Variants in LTBP1 observed in about 807,000 individuals in gnomAD.
LTBP1 encodes the protein latent transforming growth factor beta binding protein 1.
LTBP1 carries 129 observed loss-of-function variants against 207.6 expected under a neutral mutation model. The observed-to-expected ratio is 0.62, with a 90% confidence interval of 0.54 to 0.72. LTBP1 has a LOEUF of 0.72. Ranked by LOEUF, LTBP1 falls within the 30% of genes least tolerant of loss-of-function variation. The pLI is 0.00. For missense variants in LTBP1, 2,281 were observed against 2,217.2 expected (o/e 1.03, Z -0.58); for synonymous variants, 963 against 833.7 (o/e 1.16, Z -2.67).
chr2:33,068,290 C>T (rs372773121), intron 3 of LTBP1, among the ~76,000 whole-genome samples: 3 of 150,914 alleles, frequency 2.0e-5, no homozygotes, highest in Non-Finnish European at 4.4e-5. Flanking sequence ...CATTATTTTT[C>T]GATAATTTTT....
intron 5 of LTBP1, among the ~76,000 whole-genome samples, chr2:33,164,759 A>G (rs2084778806): frequency 6.6e-6 from 1 of 152,186 alleles, no homozygotes; most frequent in Non-Finnish European, 1.5e-5. Context: ...GTTCATTCCA[A>G]CGATTGACAT....
intron 3 of LTBP1, among the ~76,000 whole-genome samples, chr2:33,100,960 G>T (rs895605771): frequency 1.3e-5 from 2 of 152,232 alleles, no homozygotes; most frequent in Non-Finnish European, 2.9e-5. Context: ...CATTTGGGTT[G>T]TAGGTTCTGC....
In LTBP1 at chr2:33,163,701, A is replaced by G. The variant is rs370241237; in HGVS notation, c.1202-23155A>G. ...TTTATGTGTATTCATACATTTGTAT[A>G]AATAAAAGAAGCAGCACCTGGATTT... On this transcript the variant is annotated intron_variant, in intron 5 of 33. Transcript: ENST00000404816. Among the ~76,000 whole-genome samples the G allele has an allele frequency of 3.3e-5, 5 of 152,212 alleles. No homozygotes were observed. In the East Asian group the frequency reaches 9.6e-4, roughly 29 times the overall value.
chr2:33,275,965 G>A (rs1444607005), intron 18 of LTBP1, 42 bp downstream of exon 18: 2 of 1,527,918 alleles, frequency 1.3e-6, no homozygotes, highest in East Asian at 2.3e-5. Flanking sequence ...ACGGTGATGT[G>A]CAGGGTTGGT....
chr2:33,211,532 T>C lies in LTBP1; in HGVS notation c.1702-6020T>C, dbSNP rs117303256. Among the ~76,000 whole-genome samples the C allele has an allele frequency of 1.8e-3, 270 of 152,314 alleles. 6 individuals are homozygous for C. In the East Asian group the frequency reaches 0.045, roughly 26 times the overall value. On this transcript the variant is annotated intron_variant, in intron 7 of 33. Coordinates refer to ENST00000404816, the MANE Select transcript of LTBP1 (RefSeq NM_206943.4). ...GAGGTTGGATGATTTGCTGAACTTC[T>C]CACTGCTAGTAAGAAGTTTCTGGGA...
At chr2:33,299,699 A>G (rs574429091) in intron 20 of LTBP1, among the ~76,000 whole-genome samples, 44 of 152,374 alleles carry the variant, frequency 2.9e-4, no homozygotes, top group African/African-American at 1.0e-3. Flanking sequence ...TGGCCAAACA[A>G]AAACATCTGG....
rs2092484630 is a variant in LTBP1, at chr2:33,245,636, C to G, written c.1999+1852C>G. On this transcript the variant is annotated intron_variant, in intron 10 of 33. Coordinates refer to ENST00000404816, the MANE Select transcript of LTBP1 (RefSeq NM_206943.4). ...ACACAAATTACCTTTGAAACTGATG[C>G]AAGGATTTGGAAATTTCAGGCCAAA... Among the ~76,000 whole-genome samples, 5 of 152,130 alleles carry G rather than the reference C, an allele frequency of 3.3e-5. No individual in the cohort carries two copies. The South Asian group carries it at 1.0e-3, about 32-fold the overall frequency.
chr2:33,397,293 C>A lies in LTBP1; in HGVS notation c.4984+11C>A. 1 of 1,613,700 alleles carries A rather than the reference C, an allele frequency of 6.2e-7. No individual in the cohort carries two copies. The highest frequency in any genetic ancestry group is 1.1e-5 in the South Asian group (1 of 91,064). On this transcript the variant is annotated intron_variant, in intron 33 of 33. Transcript: ENST00000404816. ...AGATGACCTGTGTCGGTAAGAATGA[C>A]GTGTGTTTTATGGGACATTAATTTT...
intron 19 of LTBP1, among the ~76,000 whole-genome samples, chr2:33,283,829 C>T (rs2093612222): frequency 6.6e-6 from 1 of 152,196 alleles, no homozygotes; most frequent in African/African-American, 2.4e-5. Context: ...ATGTCTATCT[C>T]ACAGGGCTGC....
intron 18 of LTBP1, among the ~76,000 whole-genome samples, chr2:33,276,474 GTATT>G (rs1480958214): frequency 3.3e-5 from 5 of 152,196 alleles, no homozygotes; most frequent in African/African-American, 1.2e-4. Context: ...GTTATAAAAA[GTATT>G]TATAGCATGG....
Position 33,399,497 on chromosome 2 carries a change from G to A in LTBP1, c.*952G>A, listed in dbSNP as rs879342915. On this transcript the variant is annotated 3_prime_UTR_variant, in exon 34 of 34. Transcript: ENST00000404816. ...TTAATCATTAAATTTGTTAGATCTT[G>A]TTATGGGCTAAATTGTTTCCCCTAA... 6.6e-6 allele frequency: 1 copy of A among 152,128 alleles called. No homozygotes were observed. Among genetic ancestry groups the A allele is most frequent in the Non-Finnish European group, 1.5e-5 (1 of 68,024 alleles). 9.4% of individuals were successfully genotyped at this position (152,128 alleles called of 1,614,324 possible).
At chr2:33,058,013 T>A (rs998958590) in intron 3 of LTBP1, among the ~76,000 whole-genome samples, 17 of 152,352 alleles carry the variant, frequency 1.1e-4, no homozygotes, top group African/African-American at 4.1e-4. Context: ...TTAAAAATCC[T>A]CTGTGCTCTA....
chr2:33,329,096 C>T (rs1231693550), intron 24 of LTBP1, among the ~76,000 whole-genome samples: 2 of 152,094 alleles, frequency 1.3e-5, no homozygotes, highest in East Asian at 3.8e-4. Flanking sequence ...ATATATATAG[C>T]CAGTTTTTCA....
intron 2 of LTBP1, among the ~76,000 whole-genome samples, chr2:32,983,625 AC>A (rs1490843817): frequency 6.6e-6 from 1 of 152,134 alleles, no homozygotes; most frequent in Admixed American, 6.5e-5. Flanking sequence ...TAATTGAATC[AC>A]AGGGGCAGGA....
intron 31 of LTBP1, among the ~76,000 whole-genome samples, chr2:33,372,925 G>T (rs1345800756): frequency 6.6e-6 from 1 of 152,112 alleles, no homozygotes; most frequent in Non-Finnish European, 1.5e-5. Context: ...AAGATAGAGG[G>T]TGCCATTATC....
At chr2:33,073,635 C>CT (rs372400679) in intron 3 of LTBP1, among the ~76,000 whole-genome samples, 2,333 of 148,302 alleles carry the variant, frequency 0.016, 50 homozygotes, top group African/African-American at 0.054. Context: ...TTCTTTCTTT[C>CT]TTTTTTTTTT....
At chr2:33,354,804 G>A (rs560274167) in intron 26 of LTBP1, among the ~76,000 whole-genome samples, 2 of 151,502 alleles carry the variant, frequency 1.3e-5, no homozygotes, top group African/African-American at 2.4e-5. Context: ...TGTAGTGTAC[G>A]ATCATGGTTC....
intron 2 of LTBP1, among the ~76,000 whole-genome samples, chr2:32,999,028 C>G (rs1043334731): frequency 5.9e-5 from 9 of 152,166 alleles, no homozygotes; most frequent in Admixed American, 3.9e-4. Flanking sequence ...GAGGCCCCAC[C>G]CAGACTTACT....
At chr2:33,053,547 T>C (rs1056636097) in intron 3 of LTBP1, among the ~76,000 whole-genome samples, 1 of 152,036 alleles carries the variant, frequency 6.6e-6, no homozygotes, top group Non-Finnish European at 1.5e-5. Context: ...GTCTACTAGA[T>C]GAGTATTTGC....
Sources: gnomAD v4.1 joint callset for allele counts (sites outside exome capture counted in the v4.1 genomes callset) on GRCh38, gnomAD v4.1.1 for gene constraint, MANE v1.5 for transcripts, NCBI Gene and HGNC (gene_info 2026-07-23, HGNC 2026-07-21) for gene names.